TULP4: variants seen among roughly 807,000 people sequenced by gnomAD.
TULP4 encodes TUB like protein 4, also known as tubby-related protein 4.
In TULP4, 16 loss-of-function variants were observed where a neutral mutation model predicts 129.0. The ratio of observed to expected loss-of-function variants is 0.12; its 90% CI spans 0.08 to 0.19. The LOEUF is 0.19. Ranked by LOEUF, TULP4 falls within the 10% of genes least tolerant of loss-of-function variation. TULP4 has a pLI of 1.00. For synonymous variants in TULP4, 998 were observed against 854.0 expected, an observed-to-expected ratio of 1.17 and a Z score of -2.94; for missense variants, 1,842 against 2,059.1, an observed-to-expected ratio of 0.89 and a Z score of 2.04.
chr6:158,279,957 A>G (rs540428807), upstream of TULP4, among the ~76,000 whole-genome samples: 9 of 152,330 alleles, frequency 5.9e-5, no homozygotes, highest in East Asian at 1.7e-3. Context: ...CGGCGCGGCT[A>G]AACGTGTGCC....
chr6:158,391,390 C>T (rs1167561182), intron 1 of TULP4, among the ~76,000 whole-genome samples: 1 of 152,016 alleles, frequency 6.6e-6, no homozygotes, highest in Non-Finnish European at 1.5e-5. Flanking sequence ...ATCGTGTCAC[C>T]CAGGGCAAAG....
Position 158,502,087 on chromosome 6 carries a change from A to G in TULP4, c.2424A>G (p.Thr808=). ...LQKSAKALRP[T]PQLAAEGDAV... ...AGTCAGCCAAGGCCCTGCGGCCAACACCGCAGCTGGCAGCTGAGGGGGACG... is the reference window on the plus strand; with the variant it reads ...AGTCAGCCAAGGCCCTGCGGCCAACGCCGCAGCTGGCAGCTGAGGGGGACG... The change falls in exon 13 of 14, where the codon ACA becomes ACG. Residue 808 remains threonine (T), a synonymous_variant. Coordinates refer to ENST00000367097, the MANE Select transcript of TULP4 (RefSeq NM_020245.5). 1.2e-6 allele frequency: 2 copies of G among 1,611,284 alleles called. No homozygotes were observed. Among genetic ancestry groups the G allele is most frequent in the Non-Finnish European group, 1.7e-6 (2 of 1,178,784 alleles).
At chr6:158,324,200 A>G (rs1779696593) in intron 1 of TULP4, among the ~76,000 whole-genome samples, 1 of 152,258 alleles carries the variant, frequency 6.6e-6, no homozygotes. Context: ...AAGGATCTGC[A>G]TAGTGGGACT....
chr6:158,502,874 C>T lies in TULP4; in HGVS notation c.3211C>T (p.Leu1071=). The T allele has an allele frequency of 6.2e-7, 1 of 1,613,926 alleles. No individual in the cohort carries two copies. The highest frequency in any genetic ancestry group is 8.5e-7 in the Non-Finnish European group (1 of 1,180,018). ...GGCCTCCCAGTCCTCCTACAGCCTC[C>T]TGAGCCCACCCGACAGCGCCCGCGA... ...PLASQSSYSL[L]SPPDSARDRT... Residue 1071 remains leucine (L), a synonymous_variant, in exon 13 of 14, where the codon CTG becomes TTG. Transcript: ENST00000367097.
At position 158,503,623 on chromosome 6, in the gene TULP4, C is replaced by T. The variant is rs767583057; in HGVS notation, c.3960C>T (p.Ser1320=). The part of the protein sequence containing the change: ...ETADNFQEVL[S]LTESPVPQRT... ...CAGACAACTTCCAGGAAGTCCTCTC[C>T]CTGACCGAAAGCCCAGTCCCCCAGC... Residue 1320 remains serine (S), a synonymous_variant, in exon 13 of 14, where the codon TCC becomes TCT. Transcript: ENST00000367097. This position sits in a 1 kb window ranked among gnomAD's most constrained non-coding sequence, Gnocchi z 4.3. 7 of 1,613,950 alleles carry T rather than the reference C, an allele frequency of 4.3e-6. No individual in the cohort carries two copies. The highest frequency in any genetic ancestry group is 1.1e-5 in the South Asian group (1 of 91,086).
chr6:158,405,183 T>A (rs947129662), intron 1 of TULP4, among the ~76,000 whole-genome samples: 11 of 152,218 alleles, frequency 7.2e-5, no homozygotes, highest in African/African-American at 2.7e-4. Flanking sequence ...AACAAGATAG[T>A]TTTTTCAGAC....
At chr6:158,449,204 A>G (rs1393259482) in intron 4 of TULP4, 28 bp downstream of exon 4, 4 of 1,593,178 alleles carry the variant, frequency 2.5e-6, no homozygotes, top group Non-Finnish European at 3.4e-6. Flanking sequence ...TTTCCTTGTC[A>G]CTGACCAGAA....
intron 1 of TULP4, among the ~76,000 whole-genome samples, chr6:158,255,101 A>G (rs1778220795): frequency 6.6e-6 from 1 of 151,832 alleles, no homozygotes; most frequent in South Asian, 2.1e-4. Context: ...AGCAACAGAA[A>G]AACTCTGTGT....
intron 3 of TULP4, among the ~76,000 whole-genome samples, 173 bp downstream of exon 3, chr6:158,430,070 A>G (rs1467334579): frequency 6.6e-6 from 1 of 152,248 alleles, no homozygotes; most frequent in Non-Finnish European, 1.5e-5. Context: ...TGAACCATAA[A>G]TTGGAAAAAC....
upstream of TULP4, among the ~76,000 whole-genome samples, chr6:158,309,609 C>T (rs923790966): frequency 2.0e-5 from 3 of 152,098 alleles, no homozygotes; most frequent in Non-Finnish European, 4.4e-5. Flanking sequence ...CCATTGAGCA[C>T]CGAGTGAACC....
chr6:158,239,074 C>T (rs1425184479), intron 1 of TULP4, among the ~76,000 whole-genome samples: 1 of 130,114 alleles, frequency 7.7e-6, no homozygotes, highest in Non-Finnish European at 1.8e-5. Context: ...CCCCACCTCC[C>T]TCCCGGACGG....
intron 1 of TULP4, among the ~76,000 whole-genome samples, chr6:158,252,615 C>T (rs1474066937): frequency 6.6e-6 from 1 of 152,132 alleles, no homozygotes; most frequent in East Asian, 1.9e-4. Flanking sequence ...ACCTCATGAT[C>T]TGCCCGCCTC....
chr6:158,355,506 A>G (rs1289185730), intron 1 of TULP4, among the ~76,000 whole-genome samples: 2 of 152,168 alleles, frequency 1.3e-5, no homozygotes, highest in Non-Finnish European at 2.9e-5. Context: ...AGGAAAGGAT[A>G]TCCTGTTTTA....
In TULP4 at chr6:158,498,879, A is replaced by T. The variant is rs1475873691; in HGVS notation, c.2014+67A>T. ...TCAGTAGATCATGCAAGGGGGACAGAGCGGCAAGTTGTTGAGGATTTCAGT... is the reference window on the plus strand; with the variant it reads ...TCAGTAGATCATGCAAGGGGGACAGTGCGGCAAGTTGTTGAGGATTTCAGT... On this transcript the variant is annotated intron_variant, in intron 12 of 13. Transcript: ENST00000367097. 3.8e-6 allele frequency: 6 copies of T among 1,578,852 alleles called. No homozygotes were observed. The East Asian group carries it at 1.4e-4, about 36-fold the overall frequency.
chr6:158,306,232 C>G (rs1779214928), intron 1 of TULP4, among the ~76,000 whole-genome samples: 1 of 152,166 alleles, frequency 6.6e-6, no homozygotes, highest in South Asian at 2.1e-4. Context: ...GGAAATTTAT[C>G]CTATATACCT....
At chr6:158,489,521 T>A (rs1460980375) in intron 8 of TULP4, 67 bp from the exon 9 acceptor site, 1 of 1,592,444 alleles carries the variant, frequency 6.3e-7, no homozygotes, top group Non-Finnish European at 8.6e-7. Context: ...TAGTTTATAG[T>A]AATGATCATT....
chr6:158,425,338 A>G (rs1310829752), intron 2 of TULP4, among the ~76,000 whole-genome samples: 3 of 150,702 alleles, frequency 2.0e-5, no homozygotes, highest in Admixed American at 6.6e-5. Context: ...ACGTGGTGAA[A>G]CCTCGTCTCG....
At position 158,384,115 on chromosome 6, in the gene TULP4, A is replaced by T. The variant is rs114424411; in HGVS notation, c.253-28950A>T. 9.9e-3 allele frequency among the ~76,000 whole-genome samples: 1,500 copies of T among 152,272 alleles called. 30 individuals carry two copies. Among genetic ancestry groups the T allele is most frequent in the African/African-American group, 0.033 (1,355 of 41,538 alleles). On this transcript the variant is annotated intron_variant, in intron 1 of 13. Coordinates refer to ENST00000367097, the MANE Select transcript of TULP4 (RefSeq NM_020245.5). Reference sequence around the variant, plus strand: ...GAGCTCTTTCTTAGCCTTTAATTACAGTAATATTTTGTTTCTTTGCAATAT... The same window carrying T: ...GAGCTCTTTCTTAGCCTTTAATTACTGTAATATTTTGTTTCTTTGCAATAT...
chr6:158,295,993 G>A lies in TULP4; in HGVS notation n.116+13615G>A, dbSNP rs140117953. On this transcript the variant is annotated intron_variant and non_coding_transcript_variant, in intron 1 of 1. Coordinates refer to the TULP4 transcript ENST00000432358. ...CCAAATAAGCAACATGCTGCTTTTT[G>A]TAATATTTTTTCTTTTTAATTTTTA... Among the ~76,000 whole-genome samples, 346 of 152,252 alleles carry A rather than the reference G, an allele frequency of 2.3e-3. 2 individuals carry two copies. Among genetic ancestry groups the A allele is most frequent in the African/African-American group, 8.1e-3 (336 of 41,540 alleles).
Sources: allele counts gnomAD v4.1 joint callset (sites outside exome capture counted in the v4.1 genomes callset), GRCh38; gene constraint gnomAD v4.1.1; non-coding constraint Gnocchi (gnomAD v3.1); transcripts MANE v1.5; gene names NCBI Gene and HGNC (gene_info 2026-07-23, HGNC 2026-07-21).